The following TMEM161B variants were observed in gnomAD, a reference collection of about 807,000 sequenced individuals.
The protein encoded by TMEM161B is transmembrane protein 161B.
In TMEM161B, 34 loss-of-function variants were observed where a neutral mutation model predicts 61.8. The observed-to-expected ratio is 0.55, with a 90% CI of 0.42 to 0.73. TMEM161B has a LOEUF of 0.73. Ranked by LOEUF, TMEM161B falls within the 30% of genes least tolerant of loss-of-function variation. The pLI, the probability that TMEM161B is intolerant of heterozygous loss-of-function variation, is 0.00. For synonymous variants in TMEM161B, 167 were observed against 192.8 expected (o/e 0.87, Z 1.11); for missense variants, 456 against 558.5 (o/e 0.82, Z 1.85).
At chr5:88,267,118 T>G (rs760968369) in intron 1 of TMEM161B, among the ~76,000 whole-genome samples, 4 of 152,130 alleles carry the variant, frequency 2.6e-5, no homozygotes, top group Non-Finnish European at 5.9e-5. Context: ...AATCTTAAAT[T>G]TAAAAAATGA....
At chr5:88,228,361 C>A (rs963304776) in intron 3 of TMEM161B, 84 bp downstream of exon 3, 1 of 1,030,784 alleles carries the variant, frequency 9.7e-7, no homozygotes, top group Non-Finnish European at 1.4e-6. Flanking sequence ...ATAATTGGTA[C>A]ATGTTTCTTT....
In TMEM161B at chr5:88,215,527, C is replaced by T. The variant is rs116338004; in HGVS notation, c.446+5036G>A. The stretch of plus-strand genomic sequence containing the variant: ...AAAAAATCACATACTCAAGCATACA[C>T]ACAATTTTACTGCCTTCTTCCCCAC... On this transcript the variant is annotated intron_variant, in intron 5 of 11. Transcript: ENST00000296595. Among the ~76,000 whole-genome samples the T allele has an allele frequency of 5.2e-3, 788 of 152,170 alleles. 3 individuals are homozygous for T. Among genetic ancestry groups the T allele is most frequent in the Non-Finnish European group, 8.1e-3 (548 of 68,012 alleles).
chr5:88,190,137 A>T, downstream of TMEM161B: 3 of 700,932 alleles, frequency 4.3e-6, no homozygotes, highest in Non-Finnish European at 7.8e-6. Flanking sequence ...ACACACAAGA[A>T]CTAGTAAATA....
At chr5:88,242,253 T>C (rs1045892492) in intron 1 of TMEM161B, among the ~76,000 whole-genome samples, 35 of 151,750 alleles carry the variant, frequency 2.3e-4, no homozygotes, top group African/African-American at 7.5e-4. Flanking sequence ...TTCAGCATAT[T>C]CCACTGAAAC....
chr5:88,241,022 GT>G, intron 1 of TMEM161B, 106 bp from the exon 2 acceptor site: 2 of 717,934 alleles, frequency 2.8e-6, no homozygotes, highest in Non-Finnish European at 4.3e-6. Context: ...AGAAAAATGA[GT>G]TTACTATTAA....
intron 5 of TMEM161B, among the ~76,000 whole-genome samples, chr5:88,215,769 C>T (rs963756541): frequency 1.3e-5 from 2 of 152,050 alleles, no homozygotes; most frequent in African/African-American, 4.8e-5. Context: ...CATTATTAGG[C>T]ATTATAGAGT....
At chr5:88,256,782 A>C (rs1179358329) in intron 1 of TMEM161B, among the ~76,000 whole-genome samples, 1 of 152,236 alleles carries the variant, frequency 6.6e-6, no homozygotes, top group Non-Finnish European at 1.5e-5. Flanking sequence ...AAATGGATAA[A>C]GCATAAATTT....
chr5:88,223,521 G>A (rs1749402713), intron 4 of TMEM161B, among the ~76,000 whole-genome samples: 1 of 152,126 alleles, frequency 6.6e-6, no homozygotes, highest in Non-Finnish European at 1.5e-5. Context: ...AAAAGTCAAA[G>A]TGCCTTTAAA....
At chr5:88,268,494 CAG>C (rs1756720609) in intron 1 of TMEM161B, among the ~76,000 whole-genome samples, 1 of 152,220 alleles carries the variant, frequency 6.6e-6, no homozygotes. Context: ...TACTCCCTGA[CAG>C]ATACGCCCCT....
chr5:88,251,193 T>C lies in TMEM161B; in HGVS notation c.4-10277A>G, dbSNP rs1031634207. Among the ~76,000 whole-genome samples the C allele has an allele frequency of 2.6e-5, 4 of 152,192 alleles. No homozygotes were observed. The East Asian group carries it at 7.8e-4, about 30-fold the overall frequency. On this transcript the variant is annotated intron_variant, in intron 1 of 11. Transcript: ENST00000296595. ...CCTCATATACTGAGTCTGCCTCATA[T>C]ACTCAACTGGGCCACAGGACCAGAT... is the stretch of plus-strand genomic sequence containing the variant.
chr5:88,234,137 G>C (rs891647034), intron 2 of TMEM161B, among the ~76,000 whole-genome samples: 2 of 151,774 alleles, frequency 1.3e-5, no homozygotes, highest in Non-Finnish European at 2.9e-5. Flanking sequence ...AATGGGAGAA[G>C]TTTAAAAAAA....
chr5:88,267,053 T>G (rs1348368081), intron 1 of TMEM161B, among the ~76,000 whole-genome samples: 1 of 152,220 alleles, frequency 6.6e-6, no homozygotes, highest in African/African-American at 2.4e-5. Context: ...ATGATGAACT[T>G]AAGTATTTTA....
At chr5:88,238,865 T>A (rs1182202441) in intron 2 of TMEM161B, among the ~76,000 whole-genome samples, 1 of 151,800 alleles carries the variant, frequency 6.6e-6, no homozygotes, top group Non-Finnish European at 1.5e-5. Context: ...AGGTAGATAA[T>A]CTTAAAAACA....
chr5:88,210,105 C>T (rs1206431633), intron 5 of TMEM161B, among the ~76,000 whole-genome samples: 1 of 152,108 alleles, frequency 6.6e-6, no homozygotes, highest in African/African-American at 2.4e-5. Context: ...TCTTACTAAA[C>T]TATGTGATCT....
intron 8 of TMEM161B, among the ~76,000 whole-genome samples, chr5:88,205,161 A>G (rs1745214008): frequency 6.6e-6 from 1 of 152,228 alleles, no homozygotes; most frequent in Non-Finnish European, 1.5e-5. Context: ...TGACAAGCAC[A>G]AAGAATATAG....
At chr5:88,239,324 A>C (rs1752369619) in intron 2 of TMEM161B, among the ~76,000 whole-genome samples, 1 of 151,974 alleles carries the variant, frequency 6.6e-6, no homozygotes, top group Non-Finnish European at 1.5e-5. Flanking sequence ...TTACATCATA[A>C]ACATAGTTTA....
At chr5:88,243,025 T>A (rs1042994921) in intron 1 of TMEM161B, among the ~76,000 whole-genome samples, 6 of 151,634 alleles carry the variant, frequency 4.0e-5, no homozygotes, top group African/African-American at 1.5e-4. Context: ...AGAAAAAATA[T>A]GTACAGACAG....
intron 1 of TMEM161B, among the ~76,000 whole-genome samples, chr5:88,264,644 T>C (rs1756123279): frequency 6.6e-6 from 1 of 152,188 alleles, no homozygotes; most frequent in South Asian, 2.1e-4. Flanking sequence ...ACACGTATGT[T>C]TATTGCAGCA....
In TMEM161B at chr5:88,225,257, G is replaced by A. The variant is rs370137645; in HGVS notation, c.289+512C>T. 2.9e-3 allele frequency among the ~76,000 whole-genome samples: 434 copies of A among 152,162 alleles called. 2 individuals carry two copies. Among genetic ancestry groups the A allele is most frequent in the African/African-American group, 7.7e-3 (318 of 41,534 alleles). ...GCTGGGATTACAGGCGTGAGCCACC[G>A]CGCCCAGCCAAAATATGTGTTGATT... is the stretch of plus-strand genomic sequence containing the variant. On this transcript the variant is annotated intron_variant, in intron 4 of 11. Transcript: ENST00000296595.
Sources: allele counts gnomAD v4.1 joint callset (sites outside exome capture counted in the v4.1 genomes callset), GRCh38; gene constraint gnomAD v4.1.1; transcripts MANE v1.5; gene names NCBI Gene and HGNC (gene_info 2026-07-23, HGNC 2026-07-21).